GLRA3: variants seen among roughly 807,000 people sequenced by gnomAD.
GLRA3 encodes the protein glycine receptor alpha 3, also known as glycine receptor subunit alpha-3.
Under a neutral mutation model 60.4 loss-of-function variants are expected in GLRA3, and 44 were observed. That is an observed-to-expected ratio of 0.73 (90% confidence interval 0.57 to 0.94). The LOEUF (loss-of-function observed/expected upper bound fraction) is 0.94. Among genes scored for constraint, GLRA3 ranks in the 40% least tolerant of loss-of-function variants. The pLI is 0.00. For synonymous variants in GLRA3, 223 were observed against 192.9 expected (o/e 1.16, Z -1.29); for missense variants, 508 against 564.6 (o/e 0.90, Z 1.02).
chr4:174,774,532 A>C (rs921881977), intron 2 of GLRA3, among the ~76,000 whole-genome samples: 7 of 152,194 alleles, frequency 4.6e-5, no homozygotes, highest in Non-Finnish European at 7.3e-5. Flanking sequence ...AATGCAGTCA[A>C]AACACATCAT....
intron 5 of GLRA3, among the ~76,000 whole-genome samples, chr4:174,689,561 C>T (rs977542198): frequency 2.6e-5 from 4 of 151,534 alleles, no homozygotes; most frequent in African/African-American, 9.7e-5. Context: ...ACTTCTCAAC[C>T]TCCCCCTCTT....
chr4:174,731,960 T>C lies in GLRA3; in HGVS notation c.268-3262A>G, dbSNP rs116304071. 4.3e-3 allele frequency among the ~76,000 whole-genome samples: 652 copies of C among 152,356 alleles called. 3 individuals are homozygous for C. Among genetic ancestry groups the C allele is most frequent in the African/African-American group, 0.015 (627 of 41,584 alleles). The stretch of plus-strand genomic sequence containing the variant: ...AAGATACTAATGAGATACCATTTTA[T>C]ATTTACTGGGCTGTTAAAAATGAGA... On this transcript the variant is annotated intron_variant, in intron 3 of 9. Transcript: ENST00000274093.
intron 7 of GLRA3, 24 bp from the exon 8 acceptor site, chr4:174,659,221 C>T (rs778405533): frequency 1.3e-6 from 2 of 1,586,212 alleles, no homozygotes; most frequent in Non-Finnish European, 8.6e-7. Context: ...AAAGAGAAAG[C>T]AAGCAAATTC....
At chr4:174,808,774 T>A (rs1740148276) in intron 1 of GLRA3, among the ~76,000 whole-genome samples, 1 of 151,996 alleles carries the variant, frequency 6.6e-6, no homozygotes, top group Admixed American at 6.6e-5. Context: ...GTGTCTTAGT[T>A]TTTAACAAAA....
intron 1 of GLRA3, among the ~76,000 whole-genome samples, chr4:174,810,169 T>C (rs936334785): frequency 1.3e-5 from 2 of 151,864 alleles, no homozygotes; most frequent in African/African-American, 4.8e-5. Context: ...ATATGAGAAA[T>C]TGGTAAATTA....
chr4:174,733,675 T>C (rs1736650770), intron 3 of GLRA3, among the ~76,000 whole-genome samples: 1 of 152,244 alleles, frequency 6.6e-6, no homozygotes, highest in African/African-American at 2.4e-5. Flanking sequence ...CACCTTGCCC[T>C]GCCTGCCTTT....
chr4:174,743,340 T>C (rs1228161859), intron 3 of GLRA3, among the ~76,000 whole-genome samples: 1 of 152,186 alleles, frequency 6.6e-6, no homozygotes, highest in Non-Finnish European at 1.5e-5. Flanking sequence ...GATCCCACAT[T>C]GCATTTAGCT....
chr4:174,658,934 A>C, intron 8 of GLRA3, 120 bp downstream of exon 8: 1 of 828,834 alleles, frequency 1.2e-6, no homozygotes, highest in Non-Finnish European at 1.9e-6. Context: ...AAATGAAAGG[A>C]ATATTATATC....
chr4:174,691,046 G>A (rs955449491), intron 5 of GLRA3, among the ~76,000 whole-genome samples: 9 of 152,168 alleles, frequency 5.9e-5, no homozygotes, highest in African/African-American at 2.2e-4. Flanking sequence ...TAATAGAATT[G>A]CTGGGTTGAA....
chr4:174,661,082 AC>A (rs1381119126), intron 7 of GLRA3, among the ~76,000 whole-genome samples: 4 of 152,094 alleles, frequency 2.6e-5, no homozygotes, highest in Non-Finnish European at 5.9e-5. Flanking sequence ...GTTTTTAGAA[AC>A]CAAGATCTGG....
chr4:174,799,426 A>G (rs1739720537), intron 1 of GLRA3, among the ~76,000 whole-genome samples: 1 of 152,212 alleles, frequency 6.6e-6, no homozygotes, highest in African/African-American at 2.4e-5. Flanking sequence ...CAATCCCTAT[A>G]TTTGGAGATG....
chr4:174,797,652 T>C (rs914587159), intron 1 of GLRA3, among the ~76,000 whole-genome samples: 7 of 152,044 alleles, frequency 4.6e-5, no homozygotes. Context: ...AAGAGAGTAA[T>C]AGCTGGGTGC....
intron 2 of GLRA3, among the ~76,000 whole-genome samples, chr4:174,784,013 A>G (rs1739008299): frequency 6.7e-6 from 1 of 150,226 alleles, no homozygotes; most frequent in South Asian, 2.1e-4. Flanking sequence ...ATAAAGACAC[A>G]TGCACACGTA....
intron 3 of GLRA3, among the ~76,000 whole-genome samples, chr4:174,730,118 G>C (rs555453135): frequency 6.6e-6 from 1 of 152,274 alleles, no homozygotes; most frequent in South Asian, 2.1e-4. Flanking sequence ...ATTCACTTCA[G>C]CTTTTTGCCA....
At chr4:174,744,931 G>T (rs1451651960) in intron 3 of GLRA3, among the ~76,000 whole-genome samples, 3 of 152,100 alleles carry the variant, frequency 2.0e-5, no homozygotes, top group African/African-American at 7.2e-5. Context: ...ATATGAATGA[G>T]AAATTTACAA....
intron 5 of GLRA3, among the ~76,000 whole-genome samples, chr4:174,692,336 C>T (rs560944685): frequency 3.4e-4 from 50 of 148,182 alleles, no homozygotes; most frequent in East Asian, 9.9e-4. Context: ...GCCCCCCGCT[C>T]GGCCAGCCGC....
intron 4 of GLRA3, among the ~76,000 whole-genome samples, chr4:174,720,880 T>C (rs982793159): frequency 6.6e-6 from 1 of 152,150 alleles, no homozygotes; most frequent in Non-Finnish European, 1.5e-5. Context: ...AACTTAAGTA[T>C]ATGAATGTGA....
intron 4 of GLRA3, among the ~76,000 whole-genome samples, chr4:174,724,048 TTGTG>T (rs34150138): frequency 2.7e-5 from 4 of 149,620 alleles, no homozygotes; most frequent in East Asian, 2.0e-4. Flanking sequence ...ATATATATAT[TTGTG>T]TGTGTGTGTG....
chr4:174,799,968 A>G (rs1423233524), intron 1 of GLRA3, among the ~76,000 whole-genome samples: 5 of 152,208 alleles, frequency 3.3e-5, no homozygotes, highest in African/African-American at 9.6e-5. Flanking sequence ...TAAGCTTTAT[A>G]TGTTTAAGTA....
Sources: gnomAD v4.1 joint callset for allele counts (sites outside exome capture counted in the v4.1 genomes callset) on GRCh38, gnomAD v4.1.1 for gene constraint, MANE v1.5 for transcripts, NCBI Gene and HGNC (gene_info 2026-07-23, HGNC 2026-07-21) for gene names.